The following GMDS variants were observed in gnomAD, a reference collection of about 807,000 sequenced individuals.
GMDS encodes the protein GDP-mannose 4,6 dehydratase.
A neutral mutation model predicts 49.9 loss-of-function variants in GMDS; 20 were observed. The ratio of observed to expected loss-of-function variants is 0.40; its 90% CI spans 0.28 to 0.58. The LOEUF (loss-of-function observed/expected upper bound fraction) is 0.58, where lower values mean the gene tolerates loss of function less well. Ranked by LOEUF, GMDS falls within the 20% of genes least tolerant of loss-of-function variation. GMDS has a pLI of 0.42. For missense variants in GMDS, 362 were observed against 481.4 expected, an observed-to-expected ratio of 0.75 and a Z score of 2.32; for synonymous variants, 177 against 178.6, an observed-to-expected ratio of 0.99 and a Z score of 0.07.
intron 7 of GMDS, among the ~76,000 whole-genome samples, chr6:1,797,266 G>A (rs138836881): frequency 1.5e-4 from 23 of 152,286 alleles, no homozygotes; most frequent in Admixed American, 5.2e-4. Context: ...TCATGAAAGC[G>A]TCCCCACCCC....
At chr6:1,892,516 G>A (rs2113842947) in intron 7 of GMDS, among the ~76,000 whole-genome samples, 1 of 152,182 alleles carries the variant, frequency 6.6e-6, no homozygotes, top group Non-Finnish European at 1.5e-5. Context: ...ACACCACCAT[G>A]CCTGGCTAAT....
chr6:1,713,704 C>T (rs188951240), intron 9 of GMDS, among the ~76,000 whole-genome samples: 9 of 152,266 alleles, frequency 5.9e-5, no homozygotes, highest in Non-Finnish European at 1.0e-4. Flanking sequence ...CTCAATTTGG[C>T]GGCATGAAGC....
intron 1 of GMDS, among the ~76,000 whole-genome samples, chr6:2,187,871 T>C (rs934632945): frequency 1.3e-5 from 2 of 152,212 alleles, no homozygotes; most frequent in Non-Finnish European, 2.9e-5. Context: ...AAATTGTGGA[T>C]TCAAACCACC....
At chr6:1,810,828 C>G (rs1458808676) in intron 7 of GMDS, among the ~76,000 whole-genome samples, 1 of 152,146 alleles carries the variant, frequency 6.6e-6, no homozygotes, top group Non-Finnish European at 1.5e-5. Context: ...CATTAGAACA[C>G]CATTTAATGA....
intron 6 of GMDS, among the ~76,000 whole-genome samples, chr6:1,957,720 C>A (rs764168166): frequency 4.6e-5 from 7 of 152,144 alleles, no homozygotes; most frequent in Non-Finnish European, 8.8e-5. Flanking sequence ...ATAGGGCTGG[C>A]AGTTATCACG....
chr6:1,818,822 GTT>G (rs1157218437), intron 7 of GMDS, among the ~76,000 whole-genome samples: 1 of 151,924 alleles, frequency 6.6e-6, no homozygotes, highest in Non-Finnish European at 1.5e-5. Context: ...GGGATCCCAG[GTT>G]TAAACTCCAG....
intron 7 of GMDS, among the ~76,000 whole-genome samples, chr6:1,793,272 C>T (rs1379580582): frequency 6.6e-6 from 1 of 152,200 alleles, no homozygotes; most frequent in Non-Finnish European, 1.5e-5. Context: ...AGGTACTTCT[C>T]TACTCCAGGA....
At chr6:1,717,662 A>G (rs1417148373) in intron 9 of GMDS, 2 of 152,226 alleles carry the variant, frequency 1.3e-5, no homozygotes, top group Admixed American at 6.5e-5. Flanking sequence ...ATAAAACAAA[A>G]TAAATATTTA....
At chr6:2,221,590 G>T in intron 1 of GMDS, among the ~76,000 whole-genome samples, 1 of 152,078 alleles carries the variant, frequency 6.6e-6, no homozygotes, top group East Asian at 1.9e-4. Flanking sequence ...GGGTTTCACC[G>T]TGTTAGCTAG....
At chr6:1,783,923 T>G (rs1769209936) in intron 7 of GMDS, among the ~76,000 whole-genome samples, 1 of 152,130 alleles carries the variant, frequency 6.6e-6, no homozygotes, top group African/African-American at 2.4e-5. Flanking sequence ...CCCCTGGGTC[T>G]ATGCAAGCCC....
intron 7 of GMDS, among the ~76,000 whole-genome samples, chr6:1,760,772 A>T (rs1242539286): frequency 6.6e-6 from 1 of 152,228 alleles, no homozygotes; most frequent in East Asian, 1.9e-4. Flanking sequence ...GCTGAATATA[A>T]TTAGATTTAA....
intron 7 of GMDS, among the ~76,000 whole-genome samples, chr6:1,787,765 G>A (rs546981205): frequency 7.8e-4 from 119 of 152,300 alleles, no homozygotes; most frequent in African/African-American, 2.8e-3. Flanking sequence ...CCTGAAATGC[G>A]TAAATACAGA....
In GMDS at chr6:1,902,471, T is replaced by C. The variant is rs542675179; in HGVS notation, c.771+27632A>G. Reference sequence around the variant, plus strand: ...AAAGGCCTTAAAAAACAAAGTATCATGCTGCTAGATCCTTAATAACCCAAA... The same window carrying C: ...AAAGGCCTTAAAAAACAAAGTATCACGCTGCTAGATCCTTAATAACCCAAA... On this transcript the variant is annotated intron_variant, in intron 7 of 10. Coordinates refer to ENST00000380815, the MANE Select transcript of GMDS (RefSeq NM_001500.4). 2.6e-5 allele frequency among the ~76,000 whole-genome samples: 4 copies of C among 152,340 alleles called. No homozygotes were observed. The South Asian group carries it at 8.3e-4, about 32-fold the overall frequency.
At chr6:1,899,027 A>C (rs994877597) in intron 7 of GMDS, among the ~76,000 whole-genome samples, 1 of 152,212 alleles carries the variant, frequency 6.6e-6, no homozygotes, top group African/African-American at 2.4e-5. Flanking sequence ...CTGCCTTATA[A>C]ATGCTCCTCT....
At chr6:2,162,055 T>A (rs901824749) in intron 1 of GMDS, among the ~76,000 whole-genome samples, 1 of 152,204 alleles carries the variant, frequency 6.6e-6, no homozygotes, top group Non-Finnish European at 1.5e-5. Flanking sequence ...CCAAGGAACA[T>A]CTTAATGACA....
intron 4 of GMDS, among the ~76,000 whole-genome samples, chr6:2,002,281 C>A (rs921850302): frequency 6.6e-6 from 1 of 152,196 alleles, no homozygotes; most frequent in Non-Finnish European, 1.5e-5. Context: ...GCCCTCAGGG[C>A]TCCTTTATCC....
chr6:1,743,701 C>T (rs1023488456), intron 7 of GMDS, among the ~76,000 whole-genome samples: 6 of 151,684 alleles, frequency 4.0e-5, no homozygotes, highest in African/African-American at 1.5e-4. Flanking sequence ...AGCAGATAGG[C>T]CTGGAGTTCC....
chr6:2,007,902 T>C (rs1767301723), intron 4 of GMDS, among the ~76,000 whole-genome samples: 4 of 152,190 alleles, frequency 2.6e-5, no homozygotes, highest in African/African-American at 7.2e-5. Flanking sequence ...TGCTAAAGGG[T>C]ATATTCTTTT....
At chr6:2,201,770 C>A (rs548530802) in intron 1 of GMDS, among the ~76,000 whole-genome samples, 1 of 129,716 alleles carries the variant, frequency 7.7e-6, no homozygotes, top group Non-Finnish European at 1.6e-5. Flanking sequence ...AGACAGAGCA[C>A]CACATGGGCA....
Sources: allele counts gnomAD v4.1 joint callset (sites outside exome capture counted in the v4.1 genomes callset), GRCh38; gene constraint gnomAD v4.1.1; transcripts MANE v1.5; gene names NCBI Gene and HGNC (gene_info 2026-07-23, HGNC 2026-07-21).